The following PPP2R5C variants were observed in gnomAD, a reference collection of about 807,000 sequenced individuals.
PPP2R5C encodes protein phosphatase 2 regulatory subunit B'gamma, also known as serine/threonine-protein phosphatase 2A 56 kDa regulatory subunit gamma isoform.
A neutral mutation model predicts 68.9 loss-of-function variants in PPP2R5C; 7 were observed. The observed-to-expected ratio is 0.10, with a 90% CI of 0.06 to 0.19. PPP2R5C has a LOEUF of 0.19. Ranked by LOEUF, PPP2R5C falls within the 10% of genes least tolerant of loss-of-function variation. The pLI is 1.00. For synonymous variants in PPP2R5C, 210 were observed against 222.2 expected, an observed-to-expected ratio of 0.95 and a Z score of 0.49; for missense variants, 348 against 641.3, an observed-to-expected ratio of 0.54 and a Z score of 4.94.
intron 1 of PPP2R5C, among the ~76,000 whole-genome samples, chr14:101,847,929 G>A (rs1478171972): frequency 6.6e-6 from 1 of 152,096 alleles, no homozygotes; most frequent in Admixed American, 6.5e-5. Flanking sequence ...CCAAAGTGCT[G>A]GGATTACTGC....
chr14:101,917,579 G>A lies in PPP2R5C; in HGVS notation c.1327-252G>A, dbSNP rs1480445360. Reference sequence around the variant, plus strand: ...ATGGGGTGTGGGCCAGGGTATGGGCGGGCCACTGTCCATCAGATGCAGAGG... The same window carrying A: ...ATGGGGTGTGGGCCAGGGTATGGGCAGGCCACTGTCCATCAGATGCAGAGG... On this transcript the variant is annotated intron_variant, in intron 12 of 13. Transcript: ENST00000334743. The surrounding 1 kb of genome is among the most constrained non-coding windows in gnomAD (Gnocchi z 4.4). Among the ~76,000 whole-genome samples the A allele has an allele frequency of 1.7e-5, 2 of 115,012 alleles. No homozygotes were observed. Among genetic ancestry groups the A allele is most frequent in the Admixed American group, 1.7e-4 (2 of 12,100 alleles). 75.5% of individuals were successfully genotyped at this position (115,012 alleles called of 152,430 possible).
At chr14:101,801,192 G>A (rs1048409155) in intron 3 of PPP2R5C, among the ~76,000 whole-genome samples, 2 of 152,194 alleles carry the variant, frequency 1.3e-5, no homozygotes, top group Non-Finnish European at 2.9e-5. Flanking sequence ...ATATTTCAAA[G>A]TAGCTGGAAG....
chr14:101,894,154 C>T (rs2045148979), intron 7 of PPP2R5C, among the ~76,000 whole-genome samples: 2 of 152,194 alleles, frequency 1.3e-5, no homozygotes, highest in Admixed American at 1.3e-4. Flanking sequence ...ATTAATAGTT[C>T]AGAGATTTAA....
At chr14:101,862,809 A>G (rs1042909417) in intron 2 of PPP2R5C, among the ~76,000 whole-genome samples, 8 of 150,758 alleles carry the variant, frequency 5.3e-5, no homozygotes, top group Non-Finnish European at 8.8e-5. Flanking sequence ...ACACTAAGAC[A>G]TGATGGATTT....
chr14:101,848,220 A>G (rs551869358), intron 1 of PPP2R5C, among the ~76,000 whole-genome samples: 1 of 152,216 alleles, frequency 6.6e-6, no homozygotes, highest in African/African-American at 2.4e-5. Flanking sequence ...ATGACACACT[A>G]TGTAGAGGAA....
intron 1 of PPP2R5C, among the ~76,000 whole-genome samples, chr14:101,845,138 T>TAA (rs560828976): frequency 0.02 from 2,854 of 145,924 alleles, 23 homozygotes; most frequent in Non-Finnish European, 0.029. Context: ...TTTCCCTGTT[T>TAA]AAAAAAAAAA....
chr14:101,856,137 A>AC (rs1172296504), intron 1 of PPP2R5C, among the ~76,000 whole-genome samples: 1 of 152,138 alleles, frequency 6.6e-6, no homozygotes, highest in Non-Finnish European at 1.5e-5. Flanking sequence ...ACATCTTTGG[A>AC]CTGATGCCAG....
At chr14:101,793,305 A>G (rs1468815373) in intron 3 of PPP2R5C, among the ~76,000 whole-genome samples, 1 of 152,206 alleles carries the variant, frequency 6.6e-6, no homozygotes, top group Non-Finnish European at 1.5e-5. Context: ...CAATGGAGGG[A>G]GCGAGGATAT....
intron 2 of PPP2R5C, among the ~76,000 whole-genome samples, chr14:101,867,141 C>G (rs568197590): frequency 2.0e-5 from 3 of 151,790 alleles, no homozygotes; most frequent in African/African-American, 4.8e-5. Context: ...TGCTTGAACC[C>G]AGGAGGCAGA....
intron 1 of PPP2R5C, among the ~76,000 whole-genome samples, chr14:101,842,679 G>A (rs879351016): frequency 7.2e-5 from 11 of 151,992 alleles, no homozygotes; most frequent in Admixed American, 2.6e-4. Flanking sequence ...CAGCGTGGCC[G>A]TGGTGCCTGC....
intron 2 of PPP2R5C, among the ~76,000 whole-genome samples, chr14:101,764,038 C>CGCGGGT (rs140548459): frequency 2.6e-5 from 4 of 151,934 alleles, no homozygotes; most frequent in Admixed American, 1.3e-4. Context: ...TGGGCGCGCG[C>CGCGGGT]ACTTGCGCGT....
intron 2 of PPP2R5C, among the ~76,000 whole-genome samples, chr14:101,771,741 A>G (rs900357091): frequency 6.6e-6 from 1 of 152,020 alleles, no homozygotes; most frequent in Non-Finnish European, 1.5e-5. Context: ...ACAACAACAC[A>G]AAAATGGCCC....
rs573535831 is a variant in PPP2R5C at position 101,842,840 on chromosome 14, G to C, written c.95-13846G>C. 2.1e-5 allele frequency among the ~76,000 whole-genome samples: 3 copies of C among 146,290 alleles called. No individual in the cohort carries two copies. In the East Asian group the frequency reaches 6.0e-4, roughly 29 times the overall value. On this transcript the variant is annotated intron_variant, in intron 1 of 13. Transcript: ENST00000334743. ...TTATCTCCCCACCATTTCCGTGTCT[G>C]ATCACCGCTACTACTATGTCCTATC...
intron 2 of PPP2R5C, among the ~76,000 whole-genome samples, chr14:101,780,299 A>G (rs1287841141): frequency 6.6e-6 from 1 of 152,148 alleles, no homozygotes; most frequent in Non-Finnish European, 1.5e-5. Context: ...CAAATCAGGT[A>G]CACACATTAC....
chr14:101,856,881 A>G (rs2042451502), exon 2 of PPP2R5C: 2 of 1,613,070 alleles, frequency 1.2e-6, no homozygotes, highest in South Asian at 1.1e-5. Flanking sequence ...GAAGTAGTCC[A>G]TATGGTAAGT....
At chr14:101,845,000 G>A (rs1358836336) in intron 1 of PPP2R5C, among the ~76,000 whole-genome samples, 1 of 152,178 alleles carries the variant, frequency 6.6e-6, no homozygotes, top group Non-Finnish European at 1.5e-5. Flanking sequence ...TCAGTGCCCT[G>A]GGTGCCTGTT....
chr14:101,837,050 A>C (rs879577110), intron 1 of PPP2R5C, among the ~76,000 whole-genome samples: 1 of 152,244 alleles, frequency 6.6e-6, no homozygotes, highest in East Asian at 1.9e-4. Context: ...TGTGGTAGAC[A>C]TAAGTTGTTA....
intron 2 of PPP2R5C, among the ~76,000 whole-genome samples, chr14:101,777,537 A>G (rs564301962): frequency 1.3e-5 from 2 of 152,054 alleles, no homozygotes; most frequent in South Asian, 4.2e-4. Flanking sequence ...CTTAGTAGGG[A>G]TGGGGTTTCA....
chr14:101,885,396 G>A (rs1190838539), intron 5 of PPP2R5C, among the ~76,000 whole-genome samples: 2 of 149,054 alleles, frequency 1.3e-5, no homozygotes, highest in Non-Finnish European at 1.5e-5. Flanking sequence ...CCGCAGCCCC[G>A]GCCTCTCCCA....
Sources: gnomAD v4.1 joint callset for allele counts (sites outside exome capture counted in the v4.1 genomes callset) on GRCh38, gnomAD v4.1.1 for gene constraint, Gnocchi (gnomAD v3.1) non-coding constraint, MANE v1.5 for transcripts, NCBI Gene and HGNC (gene_info 2026-07-23, HGNC 2026-07-21) for gene names.